Variants in GPR89A observed in about 807,000 individuals in gnomAD.
GPR89A encodes golgi pH regulator A, also known as G protein-coupled receptor 89A.
Under a neutral mutation model 52.0 loss-of-function variants are expected in GPR89A, and 16 were observed. That is an observed-to-expected ratio of 0.31 (90% CI 0.21 to 0.47). The LOEUF (loss-of-function observed/expected upper bound fraction) is 0.47, where lower values mean the gene tolerates loss of function less well. GPR89A is among the 20% of genes least tolerant of loss of function. The pLI, the probability that GPR89A is intolerant of heterozygous loss-of-function variation, is 1.00. For missense variants in GPR89A, 135 were observed against 449.4 expected (o/e 0.30, Z 6.33); for synonymous variants, 55 against 150.9 (o/e 0.36, Z 4.66).
chr1:145,654,208 T>G (rs2101822949), intron 10 of GPR89A, among the ~76,000 whole-genome samples: 1 of 152,248 alleles, frequency 6.6e-6, no homozygotes, highest in South Asian at 2.1e-4. Flanking sequence ...CTCCTTCACT[T>G]ATGAAGCTTA....
intron 1 of GPR89A, among the ~76,000 whole-genome samples, chr1:145,612,820 G>A (rs1459166642): frequency 1.3e-5 from 2 of 151,642 alleles, no homozygotes; most frequent in Admixed American, 6.6e-5. Context: ...TTCTTCTCTA[G>A]CCTATTATCT....
intron 12 of GPR89A, among the ~76,000 whole-genome samples, chr1:145,666,499 C>T (rs1186561606): frequency 1.3e-5 from 2 of 151,894 alleles, no homozygotes; most frequent in Admixed American, 6.6e-5. Flanking sequence ...CTTAAAATCT[C>T]AGTTTCCAAG....
chr1:145,623,178 T>C lies in GPR89A; in HGVS notation c.313+18T>C. The C allele has an allele frequency of 6.2e-7, 1 of 1,613,132 alleles. No individual in the cohort carries two copies. The highest frequency in any genetic ancestry group is 8.5e-7 in the Non-Finnish European group (1 of 1,179,290). ...CCGACTACGTAAGTATTTTACCCTC[T>C]CAGTCAGCATATAGATTGAGATGAG... On this transcript the variant is annotated intron_variant, in intron 4 of 13. Coordinates refer to ENST00000313835, the MANE Select transcript of GPR89A (RefSeq NM_001097612.2).
At chr1:145,613,664 A>T (rs1571461035) in intron 1 of GPR89A, among the ~76,000 whole-genome samples, 1 of 149,710 alleles carries the variant, frequency 6.7e-6, no homozygotes, top group South Asian at 2.1e-4. Context: ...GCACCAAACC[A>T]TGTGTAGTTC....
At chr1:145,663,165 A>G (rs2784397) in intron 10 of GPR89A, among the ~76,000 whole-genome samples, 164 bp from the exon 11 acceptor site, 66,695 of 151,112 alleles carry the variant, frequency 0.44, 15,176 homozygotes, top group East Asian at 0.58. Flanking sequence ...ATGAGTATCC[A>G]AAATAGATTT....
At chr1:145,660,659 A>G (rs1288067120) in intron 10 of GPR89A, among the ~76,000 whole-genome samples, 1 of 152,008 alleles carries the variant, frequency 6.6e-6, no homozygotes. Flanking sequence ...ATGAACAGAC[A>G]CTTCTCAAAA....
At chr1:145,631,359 T>TA (rs1649868271) in intron 6 of GPR89A, among the ~76,000 whole-genome samples, 1 of 146,966 alleles carries the variant, frequency 6.8e-6, no homozygotes, top group Admixed American at 6.7e-5. Flanking sequence ...TCCGAGAACT[T>TA]AAAGTATAAT....
At chr1:145,661,770 T>A (rs1234389305) in intron 10 of GPR89A, among the ~76,000 whole-genome samples, 1 of 150,998 alleles carries the variant, frequency 6.6e-6, no homozygotes, top group African/African-American at 2.4e-5. Flanking sequence ...TTTGCTGATA[T>A]AGGGGTTTTA....
intron 10 of GPR89A, among the ~76,000 whole-genome samples, chr1:145,662,068 C>T (rs1231218528): frequency 6.6e-6 from 1 of 152,044 alleles, no homozygotes; most frequent in African/African-American, 2.4e-5. Context: ...AAATGTCTTA[C>T]CTGTATGTGA....
intron 10 of GPR89A, among the ~76,000 whole-genome samples, chr1:145,655,308 TCTCAGC>T (rs1391044216): frequency 1.3e-5 from 2 of 152,016 alleles, no homozygotes; most frequent in African/African-American, 4.8e-5. Flanking sequence ...AGTGCATCCA[TCTCAGC>T]CTCAGCCTCA....
At chr1:145,617,404 T>C (rs112855671) in intron 2 of GPR89A, among the ~76,000 whole-genome samples, 1 of 151,376 alleles carries the variant, frequency 6.6e-6, no homozygotes, top group Non-Finnish European at 1.5e-5. Context: ...CACATGTTTT[T>C]CAAACAATTT....
In GPR89A at chr1:145,643,942, A is replaced by C; in HGVS notation, c.691A>C (p.Ile231Leu). ...CAAACCATCAGGTTTCTGGGGAATG[A>C]TAAAAAGTGTTACCACTTCAGCATC... ...HNKPSGFWGM[I>L]KSVTTSASGS... The change falls in exon 8 of 14, where the codon ATA becomes CTA. Residue 231 changes from isoleucine (I) to leucine (L), a missense_variant. Transcript: ENST00000313835. 2.9e-6 allele frequency: 1 copy of C among 348,954 alleles called. No homozygotes were observed. Among genetic ancestry groups the C allele is most frequent in the South Asian group, 3.3e-5 (1 of 30,574 alleles). The allele number at this position is 348,954 out of a possible 1,614,324, so 21.6% of individuals were successfully genotyped here.
At chr1:145,609,154 G>T (rs1406846595) in intron 1 of GPR89A, among the ~76,000 whole-genome samples, 11 of 152,094 alleles carry the variant, frequency 7.2e-5, no homozygotes, top group East Asian at 1.9e-4. Flanking sequence ...TGTGTGTGTG[G>T]TTGTTTTTAC....
chr1:145,608,050 A>G lies in GPR89A; in HGVS notation c.-84A>G, dbSNP rs1418080880. 27 of 1,545,980 alleles carry G rather than the reference A, an allele frequency of 1.7e-5. No individual in the cohort carries two copies. Among genetic ancestry groups the G allele is most frequent in the East Asian group, 2.3e-5 (1 of 44,286 alleles). On this transcript the variant is annotated 5_prime_UTR_variant, in exon 1 of 14. Coordinates refer to ENST00000313835, the MANE Select transcript of GPR89A (RefSeq NM_001097612.2). Reference sequence around the variant, plus strand: ...GGCTGCAGCACCTGGGAGAAGGCAGACCGTGTGAGGGGGCCTGTGGCCCCA... The same window carrying G: ...GGCTGCAGCACCTGGGAGAAGGCAGGCCGTGTGAGGGGGCCTGTGGCCCCA...
At chr1:145,653,018 C>T (rs1191937506) in intron 10 of GPR89A, among the ~76,000 whole-genome samples, 1 of 130,916 alleles carries the variant, frequency 7.6e-6, no homozygotes, top group Non-Finnish European at 1.5e-5. Flanking sequence ...ATTCTGCTAG[C>T]TTTGGGGTTT....
At chr1:145,613,907 C>T (rs1648481487) in intron 1 of GPR89A, among the ~76,000 whole-genome samples, 1 of 152,032 alleles carries the variant, frequency 6.6e-6, no homozygotes, top group Non-Finnish European at 1.5e-5. Context: ...CCACTTCAGC[C>T]TCCCCATAAG....
intron 1 of GPR89A, among the ~76,000 whole-genome samples, chr1:145,608,985 T>C (rs1420391501): frequency 3.3e-5 from 5 of 152,128 alleles, no homozygotes; most frequent in Non-Finnish European, 5.9e-5. Flanking sequence ...GCATCATTTA[T>C]GTCTGTGTTT....
At chr1:145,655,591 A>T (rs1553694378) in intron 10 of GPR89A, among the ~76,000 whole-genome samples, 1 of 152,024 alleles carries the variant, frequency 6.6e-6, no homozygotes, top group African/African-American at 2.4e-5. Flanking sequence ...TCGAATCCAT[A>T]CCCTACTCGC....
At chr1:145,660,241 C>G (rs1344728260) in intron 10 of GPR89A, among the ~76,000 whole-genome samples, 2 of 152,124 alleles carry the variant, frequency 1.3e-5, no homozygotes, top group Non-Finnish European at 2.9e-5. Context: ...GGAAAACTGG[C>G]TAGCCATATG....
Sources: gnomAD v4.1 joint callset for allele counts (sites outside exome capture counted in the v4.1 genomes callset) on GRCh38, gnomAD v4.1.1 for gene constraint, MANE v1.5 for transcripts, NCBI Gene and HGNC (gene_info 2026-07-23, HGNC 2026-07-21) for gene names.